The following TRPC6 variants were observed in gnomAD, a reference collection of about 807,000 sequenced individuals.
TRPC6 encodes transient receptor potential cation channel subfamily C member 6, also known as short transient receptor potential channel 6.
A neutral mutation model predicts 90.7 loss-of-function variants in TRPC6; 55 were observed. The observed-to-expected ratio is 0.61, with a 90% CI of 0.49 to 0.76. The LOEUF is 0.76. TRPC6 is among the 30% of genes least tolerant of loss of function. TRPC6 has a pLI of 0.00. For missense variants in TRPC6, 989 were observed against 1,122.7 expected, an observed-to-expected ratio of 0.88 and a Z score of 1.70; for synonymous variants, 393 against 393.0, an observed-to-expected ratio of 1.00 and a Z score of 0.00.
Position 101,476,286 on chromosome 11 carries a change from G to C in TRPC6, c.1744+15C>G. ...TTCTGCATTTTTATTTATATTGACT[G>C]TACTGTAAACTCACCCAAATTGTAG... On this transcript the variant is annotated intron_variant, in intron 6 of 12. Transcript: ENST00000344327. 1 of 1,604,228 alleles carries C rather than the reference G, an allele frequency of 6.2e-7. No homozygotes were observed. Among genetic ancestry groups the C allele is most frequent in the Non-Finnish European group, 8.5e-7 (1 of 1,171,182 alleles).
chr11:101,456,807 A>G (rs776133102), intron 10 of TRPC6, among the ~76,000 whole-genome samples: 3 of 152,190 alleles, frequency 2.0e-5, no homozygotes, highest in Admixed American at 2.0e-4. Flanking sequence ...AAGCATTTTT[A>G]TGGGTCTAGT....
chr11:101,565,137 T>G (rs1861801362), intron 1 of TRPC6, among the ~76,000 whole-genome samples: 2 of 152,094 alleles, frequency 1.3e-5, no homozygotes, highest in African/African-American at 2.4e-5. Context: ...CTCCTTGACA[T>G]TTGTCTTGAC....
In TRPC6 at chr11:101,572,012, T is replaced by A. The variant is rs181855824; in HGVS notation, c.170+11322A>T. On this transcript the variant is annotated intron_variant, in intron 1 of 12. Coordinates refer to ENST00000344327, the MANE Select transcript of TRPC6 (RefSeq NM_004621.6). ...AAGCAATGGCAACAAAAGCCAAAAT[T>A]GACAAATGGGATCTAATTAAACTAA... Among the ~76,000 whole-genome samples, 470 of 152,152 alleles carry A rather than the reference T, an allele frequency of 3.1e-3. 1 individual carries two copies. Among genetic ancestry groups the A allele is most frequent in the African/African-American group, 0.011 (442 of 41,502 alleles).
chr11:101,484,149 A>G (rs1591076631), intron 4 of TRPC6, among the ~76,000 whole-genome samples: 3 of 152,298 alleles, frequency 2.0e-5, no homozygotes, highest in Middle Eastern at 6.8e-3. Context: ...AGTGCTTTAC[A>G]CTGTTAACTT....
rs150432242 is a variant in TRPC6, at chr11:101,496,680, C to A, written c.946-4942G>T. Among the ~76,000 whole-genome samples, 652 of 152,254 alleles carry A rather than the reference C, an allele frequency of 4.3e-3. 7 individuals are homozygous for A. Among genetic ancestry groups the A allele is most frequent in the South Asian group, 0.018 (88 of 4,818 alleles). On this transcript the variant is annotated intron_variant, in intron 2 of 12. Transcript: ENST00000344327. ...ACTCTTCCCTTTGCACAAGAATTTT[C>A]AGGTCCCATTGAAGCTACGAAGCTT...
At chr11:101,546,561 T>G (rs1861312467) in intron 1 of TRPC6, among the ~76,000 whole-genome samples, 1 of 152,188 alleles carries the variant, frequency 6.6e-6, no homozygotes, top group Non-Finnish European at 1.5e-5. Context: ...CCTAGAAAAT[T>G]GGGCAAGCTA....
intron 5 of TRPC6, among the ~76,000 whole-genome samples, chr11:101,480,202 A>G (rs1859519515): frequency 6.6e-6 from 1 of 152,152 alleles, no homozygotes; most frequent in South Asian, 2.1e-4. Context: ...TAAAAAATCA[A>G]TGAAACTAAG....
intron 10 of TRPC6, among the ~76,000 whole-genome samples, chr11:101,468,926 C>T (rs746418609): frequency 3.9e-5 from 6 of 152,138 alleles, no homozygotes; most frequent in Non-Finnish European, 7.3e-5. Flanking sequence ...ACATCCTCAT[C>T]GTTGAGGATT....
At chr11:101,521,019 C>G (rs1216632587) in intron 1 of TRPC6, among the ~76,000 whole-genome samples, 1 of 152,002 alleles carries the variant, frequency 6.6e-6, no homozygotes, top group Non-Finnish European at 1.5e-5. Flanking sequence ...GCAGCCTGAC[C>G]CTGTGTAGAA....
intron 1 of TRPC6, among the ~76,000 whole-genome samples, chr11:101,573,921 CGTGTGTGTGT>C (rs58766729): frequency 3.0e-4 from 40 of 132,062 alleles, no homozygotes; most frequent in African/African-American, 8.9e-4. Context: ...GAAACAAATA[CGTGTGTGTGT>C]GTGTGTGTGT....
chr11:101,523,008 T>G (rs1247914588), intron 1 of TRPC6, among the ~76,000 whole-genome samples: 1 of 152,240 alleles, frequency 6.6e-6, no homozygotes, highest in Non-Finnish European at 1.5e-5. Flanking sequence ...TATTGTGGAC[T>G]AATTTATGCC....
intron 1 of TRPC6, among the ~76,000 whole-genome samples, chr11:101,570,295 C>T (rs1383000250): frequency 6.6e-6 from 1 of 152,286 alleles, no homozygotes; most frequent in Admixed American, 6.5e-5. Flanking sequence ...AGCTCCTGGA[C>T]ACATACACCC....
chr11:101,512,909 TGG>T (rs1860428455), intron 1 of TRPC6, among the ~76,000 whole-genome samples: 1 of 151,808 alleles, frequency 6.6e-6, no homozygotes, highest in South Asian at 2.1e-4. Flanking sequence ...AGATAGATTC[TGG>T]GGAGGAAAAA....
rs1862255854 is a variant in TRPC6, at chr11:101,583,612, G to A, written c.-109C>T. On this transcript the variant is annotated 5_prime_UTR_variant, in exon 1 of 13. Coordinates refer to ENST00000344327, the MANE Select transcript of TRPC6 (RefSeq NM_004621.6). Reference sequence around the variant, plus strand: ...GCGTCAGCGGCCGAACTGGACCTGGGCAGACCGGTGCCCAGGGGACGACGG... The same window carrying A: ...GCGTCAGCGGCCGAACTGGACCTGGACAGACCGGTGCCCAGGGGACGACGG... 1.0e-5 allele frequency: 13 copies of A among 1,238,118 alleles called. No homozygotes were observed. Among genetic ancestry groups the A allele is most frequent in the Non-Finnish European group, 1.4e-5 (13 of 944,712 alleles). The allele number at this position is 1,238,118 out of a possible 1,614,324, so 76.7% of individuals were successfully genotyped here.
intron 1 of TRPC6, among the ~76,000 whole-genome samples, chr11:101,534,289 C>G (rs1324389510): frequency 6.6e-6 from 1 of 152,170 alleles, no homozygotes; most frequent in East Asian, 1.9e-4. Flanking sequence ...GTGCCTGCCA[C>G]CATGCCTGGC....
chr11:101,581,471 C>G (rs568515337), intron 1 of TRPC6, among the ~76,000 whole-genome samples: 1 of 152,130 alleles, frequency 6.6e-6, no homozygotes, highest in East Asian at 1.9e-4. Context: ...ACAGACACAG[C>G]GACAAGTGAT....
chr11:101,514,729 G>A (rs1249379256), intron 1 of TRPC6, among the ~76,000 whole-genome samples: 1 of 152,184 alleles, frequency 6.6e-6, no homozygotes, highest in South Asian at 2.1e-4. Context: ...CAATTTAGGA[G>A]ATTCAAGCTT....
chr11:101,493,147 C>A (rs1451224816), intron 2 of TRPC6, among the ~76,000 whole-genome samples: 3 of 152,144 alleles, frequency 2.0e-5, no homozygotes, highest in African/African-American at 7.2e-5. Flanking sequence ...ATCAAGAAAG[C>A]CTATTAGCAG....
intron 1 of TRPC6, among the ~76,000 whole-genome samples, chr11:101,531,284 T>C (rs537146213): frequency 2.0e-5 from 3 of 152,184 alleles, no homozygotes; most frequent in African/African-American, 7.2e-5. Flanking sequence ...ATGAGGTACA[T>C]GATATTAGTA....
Sources: allele counts gnomAD v4.1 joint callset (sites outside exome capture counted in the v4.1 genomes callset), GRCh38; gene constraint gnomAD v4.1.1; transcripts MANE v1.5; gene names NCBI Gene and HGNC (gene_info 2026-07-23, HGNC 2026-07-21).